Variants in CAMK2D observed in about 807,000 individuals in gnomAD.
The protein encoded by CAMK2D is calcium/calmodulin dependent protein kinase II delta, also known as calcium/calmodulin-dependent protein kinase type II subunit delta.
CAMK2D carries 37 observed loss-of-function variants against 84.0 expected under a neutral mutation model. The ratio of observed to expected loss-of-function variants is 0.44; its 90% CI spans 0.34 to 0.58. The LOEUF is 0.58. Ranked by LOEUF, CAMK2D falls within the 20% of genes least tolerant of loss-of-function variation. The probability of loss-of-function intolerance (pLI) is 0.02; values close to 1 mark genes in which losing one functional copy is unlikely to be tolerated. For synonymous variants in CAMK2D, 202 were observed against 212.5 expected, an observed-to-expected ratio of 0.95 and a Z score of 0.43; for missense variants, 448 against 652.5, an observed-to-expected ratio of 0.69 and a Z score of 3.41.
In CAMK2D at chr4:113,733,749, T is replaced by C. The variant is rs534784213; in HGVS notation, c.160+25571A>G. Reference sequence around the variant, plus strand: ...GAAACATAGACTCTGCTCAAGCATGTAGCTTTTAAACTGTGAAATTACATA... The same window carrying C: ...GAAACATAGACTCTGCTCAAGCATGCAGCTTTTAAACTGTGAAATTACATA... On this transcript the variant is annotated intron_variant, in intron 2 of 20. Transcript: ENST00000511664. Among the ~76,000 whole-genome samples, 7 of 152,314 alleles carry C rather than the reference T, an allele frequency of 4.6e-5. No homozygotes were observed. The South Asian group carries it at 1.4e-3, about 32-fold the overall frequency.
At chr4:113,707,311 G>A (rs761125348) in intron 2 of CAMK2D, among the ~76,000 whole-genome samples, 3 of 152,176 alleles carry the variant, frequency 2.0e-5, no homozygotes, top group African/African-American at 7.2e-5. Flanking sequence ...GATGATGAAA[G>A]GGTTGGAAAA....
At chr4:113,513,053 G>A (rs902282947) in intron 12 of CAMK2D, 6 of 325,222 alleles carry the variant, frequency 1.8e-5, no homozygotes, top group Non-Finnish European at 2.7e-5. Context: ...GCACTTGACA[G>A]ATGAGGCTAG....
intron 16 of CAMK2D, among the ~76,000 whole-genome samples, chr4:113,470,154 T>G (rs893896415): frequency 7.2e-6 from 1 of 139,810 alleles, no homozygotes; most frequent in Non-Finnish European, 1.6e-5. Flanking sequence ...GCCCATCTCA[T>G]TAGACTCATT....
intron 4 of CAMK2D, among the ~76,000 whole-genome samples, chr4:113,583,162 G>C (rs10488894): frequency 0.7 from 106,734 of 152,010 alleles, 37,672 homozygotes; most frequent in Middle Eastern, 0.75. Flanking sequence ...TTGCTGAGAT[G>C]TACCACTGGT....
chr4:113,655,169 T>C (rs1200973234), intron 3 of CAMK2D, among the ~76,000 whole-genome samples: 1 of 152,042 alleles, frequency 6.6e-6, no homozygotes, highest in Non-Finnish European at 1.5e-5. Flanking sequence ...AGAGAGGAAC[T>C]AGAACTTGGT....
intron 2 of CAMK2D, among the ~76,000 whole-genome samples, chr4:113,709,495 A>G (rs2099480554): frequency 2.0e-5 from 3 of 151,696 alleles, no homozygotes; most frequent in Non-Finnish European, 4.4e-5. Flanking sequence ...ATATGGGTAT[A>G]CGTACTTAGA....
intron 6 of CAMK2D, among the ~76,000 whole-genome samples, chr4:113,543,408 G>A (rs1271548814): frequency 2.0e-5 from 3 of 149,814 alleles, no homozygotes; most frequent in South Asian, 4.2e-4. Context: ...TTGTAGGGAT[G>A]GGGGGTCTTG....
intron 2 of CAMK2D, among the ~76,000 whole-genome samples, chr4:113,700,283 G>C (rs570664095): frequency 6.6e-6 from 1 of 152,234 alleles, no homozygotes; most frequent in South Asian, 2.1e-4. Context: ...TTTAAGTAAA[G>C]TATATTCTAC....
intron 8 of CAMK2D, among the ~76,000 whole-genome samples, chr4:113,519,708 A>G (rs927255887): frequency 3.3e-5 from 5 of 152,210 alleles, no homozygotes; most frequent in Non-Finnish European, 7.3e-5. Flanking sequence ...GACTCATGGC[A>G]TAAGGATAAT....
intron 2 of CAMK2D, among the ~76,000 whole-genome samples, chr4:113,664,703 G>C (rs1289490515): frequency 6.6e-6 from 1 of 151,722 alleles, no homozygotes; most frequent in East Asian, 1.9e-4. Flanking sequence ...TATTCAATTG[G>C]TTAGAAAAAA....
intron 2 of CAMK2D, among the ~76,000 whole-genome samples, chr4:113,678,782 C>T (rs545956258): frequency 8.0e-4 from 122 of 152,236 alleles, no homozygotes; most frequent in African/African-American, 2.7e-3. Context: ...AGCCCACAGG[C>T]ATTTCCTTCA....
chr4:113,725,050 T>C (rs2099541898), intron 2 of CAMK2D, among the ~76,000 whole-genome samples: 1 of 152,044 alleles, frequency 6.6e-6, no homozygotes, highest in African/African-American at 2.4e-5. Flanking sequence ...AAAGGATCCA[T>C]TTCTCAGAAA....
intron 12 of CAMK2D, among the ~76,000 whole-genome samples, chr4:113,510,162 T>C (rs966039381): frequency 2.0e-5 from 3 of 152,200 alleles, no homozygotes; most frequent in African/African-American, 4.8e-5. Flanking sequence ...CTAAATAACA[T>C]CTTCATTACA....
intron 3 of CAMK2D, among the ~76,000 whole-genome samples, chr4:113,617,951 A>G (rs1405015421): frequency 1.3e-5 from 2 of 152,060 alleles, no homozygotes; most frequent in South Asian, 2.1e-4. Flanking sequence ...ACACACATAT[A>G]TATATATAAA....
chr4:113,552,839 A>T (rs2098638816), intron 4 of CAMK2D, among the ~76,000 whole-genome samples: 1 of 152,224 alleles, frequency 6.6e-6, no homozygotes, highest in Non-Finnish European at 1.5e-5. Context: ...AGACAGGGCA[A>T]ATCACCTTCC....
intron 4 of CAMK2D, among the ~76,000 whole-genome samples, chr4:113,605,271 C>T (rs538595656): frequency 6.4e-4 from 97 of 152,330 alleles, no homozygotes; most frequent in Middle Eastern, 3.4e-3. Context: ...TCTCCATTAT[C>T]TCTTGAAGCC....
intron 2 of CAMK2D, among the ~76,000 whole-genome samples, chr4:113,717,671 G>C (rs2099517790): frequency 6.6e-6 from 1 of 152,120 alleles, no homozygotes; most frequent in Non-Finnish European, 1.5e-5. Flanking sequence ...ATGGTGGAGA[G>C]AGTTGAATTT....
At chr4:113,698,130 C>A (rs975667640) in intron 2 of CAMK2D, among the ~76,000 whole-genome samples, 3 of 151,948 alleles carry the variant, frequency 2.0e-5, no homozygotes, top group African/African-American at 7.3e-5. Flanking sequence ...AGCACGAAGC[C>A]TATTTTATAA....
At chr4:113,640,907 C>T (rs2099130125) in intron 3 of CAMK2D, among the ~76,000 whole-genome samples, 1 of 152,206 alleles carries the variant, frequency 6.6e-6, no homozygotes, top group Non-Finnish European at 1.5e-5. Context: ...TTGGAGACAA[C>T]ATTGTTCCTT....
Sources: gnomAD v4.1 joint callset for allele counts (sites outside exome capture counted in the v4.1 genomes callset) on GRCh38, gnomAD v4.1.1 for gene constraint, MANE v1.5 for transcripts, NCBI Gene and HGNC (gene_info 2026-07-23, HGNC 2026-07-21) for gene names.